The following LMO1 variants were observed in gnomAD, a reference collection of about 807,000 sequenced individuals.
LMO1 encodes LIM domain only 1, also known as rhombotin-1.
Under a neutral mutation model 18.0 loss-of-function variants are expected in LMO1, and 10 were observed. That is an observed-to-expected ratio of 0.55 (90% CI 0.34 to 0.94). The LOEUF (loss-of-function observed/expected upper bound fraction) is 0.94, where lower values mean the gene tolerates loss of function less well. Ranked by LOEUF, LMO1 falls within the 40% of genes least tolerant of loss-of-function variation. The pLI is 0.02. For missense variants in LMO1, 183 were observed against 205.7 expected, an observed-to-expected ratio of 0.89 and a Z score of 0.68; for synonymous variants, 77 against 77.9, an observed-to-expected ratio of 0.99 and a Z score of 0.06.
chr11:8,268,657 G>T, upstream of LMO1: 1 of 316,700 alleles, frequency 3.2e-6, no homozygotes, highest in Non-Finnish European at 5.7e-6. Context: ...GGGGGAAGGC[G>T]CGGGGGCGAG....
chr11:8,261,638 T>C (rs1389905444), intron 1 of LMO1, among the ~76,000 whole-genome samples: 3 of 152,136 alleles, frequency 2.0e-5, no homozygotes, highest in Non-Finnish European at 4.4e-5. Flanking sequence ...TGACAGTATC[T>C]CCAGGTACCA....
chr11:8,238,982 C>A (rs941175022), intron 1 of LMO1, among the ~76,000 whole-genome samples: 1 of 152,202 alleles, frequency 6.6e-6, no homozygotes, highest in Non-Finnish European at 1.5e-5. Flanking sequence ...CTGGGCTAAC[C>A]ATCTTACAGT....
chr11:8,257,455 T>C (rs557078093), intron 1 of LMO1, among the ~76,000 whole-genome samples: 9 of 152,344 alleles, frequency 5.9e-5, no homozygotes, highest in Non-Finnish European at 1.2e-4. Context: ...GGGCTGTCAG[T>C]AGGCTGGCAA....
At chr11:8,252,806 CTG>C (rs1479723393) in intron 1 of LMO1, among the ~76,000 whole-genome samples, 1 of 152,264 alleles carries the variant, frequency 6.6e-6, no homozygotes, top group Non-Finnish European at 1.5e-5. Context: ...TGATCACAGT[CTG>C]AGAGAAATCC....
chr11:8,237,997 G>A (rs751716770), intron 1 of LMO1, among the ~76,000 whole-genome samples: 1 of 152,208 alleles, frequency 6.6e-6, no homozygotes, highest in African/African-American at 2.4e-5. Flanking sequence ...TGGCATAGTA[G>A]CATAAAGCAA....
chr11:8,233,930 C>G (rs527291019), intron 1 of LMO1, among the ~76,000 whole-genome samples: 5 of 152,326 alleles, frequency 3.3e-5, no homozygotes, highest in African/African-American at 1.2e-4. Flanking sequence ...GCTTTGCGCT[C>G]CTTCAGGAAA....
chr11:8,224,870 C>G, intron 3 of LMO1, 149 bp from the exon 4 acceptor site: 1 of 636,512 alleles, frequency 1.6e-6, no homozygotes. Context: ...GAGGGAACTG[C>G]CAAAAGTCCC....
intron 1 of LMO1, among the ~76,000 whole-genome samples, chr11:8,251,289 C>A (rs1846986823): frequency 6.6e-6 from 1 of 152,172 alleles, no homozygotes; most frequent in Non-Finnish European, 1.5e-5. Flanking sequence ...GTGGATGCAG[C>A]AGTTCTGGCT....
At chr11:8,238,670 C>CAAAAAAA (rs11375128) in intron 1 of LMO1, among the ~76,000 whole-genome samples, 5 of 60,842 alleles carry the variant, frequency 8.2e-5, no homozygotes, top group Non-Finnish European at 1.1e-4. Flanking sequence ...GACTCCATCT[C>CAAAAAAA]AAAAAAAAAA....
chr11:8,268,656 C>T (rs1025155634), upstream of LMO1: 1 of 318,756 alleles, frequency 3.1e-6, no homozygotes, highest in Non-Finnish European at 5.7e-6. Flanking sequence ...GGGGGGAAGG[C>T]GCGGGGGCGA....
chr11:8,235,766 T>A (rs1402351308), intron 1 of LMO1, among the ~76,000 whole-genome samples: 1 of 152,230 alleles, frequency 6.6e-6, no homozygotes. Context: ...TTTCTCAGTT[T>A]TCTTTTTTTG....
At chr11:8,244,221 T>A (rs1398704661) in intron 1 of LMO1, among the ~76,000 whole-genome samples, 1 of 152,100 alleles carries the variant, frequency 6.6e-6, no homozygotes, top group Non-Finnish European at 1.5e-5. Context: ...AGGCAGGGAC[T>A]CCCCAGCCCC....
At chr11:8,250,768 A>T (rs1354878489) in intron 1 of LMO1, among the ~76,000 whole-genome samples, 1 of 152,222 alleles carries the variant, frequency 6.6e-6, no homozygotes, top group Non-Finnish European at 1.5e-5. Context: ...ATTTCTACTC[A>T]GAAAGTATTT....
At chr11:8,244,552 G>T (rs935794704) in intron 1 of LMO1, among the ~76,000 whole-genome samples, 2 of 152,208 alleles carry the variant, frequency 1.3e-5, no homozygotes, top group African/African-American at 4.8e-5. Flanking sequence ...GGGGAAGAAA[G>T]GAGGGGAAAA....
intron 1 of LMO1, among the ~76,000 whole-genome samples, chr11:8,242,252 A>G (rs1302881047): frequency 6.6e-6 from 1 of 152,198 alleles, no homozygotes; most frequent in Non-Finnish European, 1.5e-5. Flanking sequence ...ATAAAAGAGC[A>G]GCAAAAACGC....
At chr11:8,239,261 G>T (rs1299772451) in intron 1 of LMO1, among the ~76,000 whole-genome samples, 1 of 152,158 alleles carries the variant, frequency 6.6e-6, no homozygotes, top group Admixed American at 6.5e-5. Flanking sequence ...GACATACTTA[G>T]ATCAGGGCCC....
At chr11:8,267,352 T>G (rs1000449244), upstream of LMO1, among the ~76,000 whole-genome samples, 1 of 152,098 alleles carries the variant, frequency 6.6e-6, no homozygotes, top group African/African-American at 2.4e-5. Context: ...TAGTGAGTGG[T>G]GGTAGGATGG....
chr11:8,237,213 G>A (rs1952775502), intron 1 of LMO1, among the ~76,000 whole-genome samples: 1 of 152,052 alleles, frequency 6.6e-6, no homozygotes, highest in South Asian at 2.1e-4. Flanking sequence ...CTTGTAAGGT[G>A]CTTTGCCTGC....
At chr11:8,252,797 G>C (rs1847023605) in intron 1 of LMO1, among the ~76,000 whole-genome samples, 1 of 152,240 alleles carries the variant, frequency 6.6e-6, no homozygotes, top group Non-Finnish European at 1.5e-5. Context: ...GACACACCTT[G>C]ATCACAGTCT....
Sources: gnomAD v4.1 joint callset for allele counts (sites outside exome capture counted in the v4.1 genomes callset) on GRCh38, gnomAD v4.1.1 for gene constraint, MANE v1.5 for transcripts, NCBI Gene and HGNC (gene_info 2026-07-23, HGNC 2026-07-21) for gene names.